Variants in TVP23C observed in about 807,000 individuals in gnomAD.
The protein encoded by TVP23C is Golgi apparatus membrane protein TVP23 homolog C.
In TVP23C, 19 loss-of-function variants were observed where a neutral mutation model predicts 28.7. The ratio of observed to expected loss-of-function variants is 0.66; its 90% CI spans 0.46 to 0.97. The LOEUF (loss-of-function observed/expected upper bound fraction) is 0.97, where lower values mean the gene tolerates loss of function less well. Among genes scored for constraint, TVP23C ranks in the 50% least tolerant of loss-of-function variants. The probability of loss-of-function intolerance (pLI) is 0.00; values close to 1 mark genes in which losing one functional copy is unlikely to be tolerated. For missense variants in TVP23C, 186 were observed against 241.3 expected, an observed-to-expected ratio of 0.77 and a Z score of 1.52; for synonymous variants, 68 against 81.7, an observed-to-expected ratio of 0.83 and a Z score of 0.90.
chr17:15,519,560 GT>G (rs1345152632), intron 5 of TVP23C, among the ~76,000 whole-genome samples: 6 of 152,020 alleles, frequency 3.9e-5, no homozygotes, highest in African/African-American at 1.5e-4. Context: ...TGTCTACTCA[GT>G]TTTTTAAAGG....
chr17:15,535,720 T>C (rs1266879707), downstream of TVP23C, among the ~76,000 whole-genome samples: 2 of 152,196 alleles, frequency 1.3e-5, no homozygotes, highest in African/African-American at 2.4e-5. Context: ...ACATCTCTAA[T>C]ACTGTACTAA....
chr17:15,522,030 G>A (rs899292558), intron 5 of TVP23C, among the ~76,000 whole-genome samples: 1 of 152,200 alleles, frequency 6.6e-6, no homozygotes, highest in East Asian at 1.9e-4. Flanking sequence ...AACAAGTCAC[G>A]TGGTTAAGCT....
At chr17:15,507,770 C>T (rs560318526) in intron 5 of TVP23C, among the ~76,000 whole-genome samples, 10 of 151,974 alleles carry the variant, frequency 6.6e-5, no homozygotes, top group Non-Finnish European at 1.3e-4. Context: ...ACCCAGGAGG[C>T]GGAGCTTGCA....
downstream of TVP23C, among the ~76,000 whole-genome samples, chr17:15,535,859 A>C (rs1184669208): frequency 2.6e-5 from 4 of 152,212 alleles, no homozygotes; most frequent in Non-Finnish European, 4.4e-5. Context: ...GAACATTAAC[A>C]CTTGAAGAAG....
intron 5 of TVP23C, among the ~76,000 whole-genome samples, chr17:15,525,813 C>T (rs1380537327): frequency 6.6e-6 from 1 of 152,178 alleles, no homozygotes; most frequent in African/African-American, 2.4e-5. Flanking sequence ...AAGCCTAAGG[C>T]AGACTGTCCA....
At chr17:15,526,143 T>C (rs901616669) in intron 5 of TVP23C, among the ~76,000 whole-genome samples, 23 of 152,152 alleles carry the variant, frequency 1.5e-4, no homozygotes, top group Non-Finnish European at 2.2e-4. Context: ...ACAGTTGCTG[T>C]AGACCACTCC....
chr17:15,512,694 T>C (rs1009227510), intron 5 of TVP23C, among the ~76,000 whole-genome samples: 1 of 152,202 alleles, frequency 6.6e-6, no homozygotes, highest in African/African-American at 2.4e-5. Context: ...CGATAGAAGA[T>C]CATTGATACA....
intron 5 of TVP23C, chr17:15,530,891 T>A (rs1982925544): frequency 6.6e-6 from 1 of 152,004 alleles, no homozygotes; most frequent in Non-Finnish European, 1.5e-5. Context: ...CACAGGCACA[T>A]GCCACCACAC....
At position 15,539,438 on chromosome 17, in the gene TVP23C, T is replaced by G. The variant is rs1461735122; in HGVS notation, c.*974A>C. 2.2e-6 allele frequency: 1 copy of G among 446,160 alleles called. No individual in the cohort carries two copies. Among genetic ancestry groups the G allele is most frequent in the African/African-American group, 2.1e-5 (1 of 46,546 alleles). The allele number at this position is 446,160 out of a possible 1,614,324, so 27.6% of individuals were successfully genotyped here. A position where few individuals can be genotyped will look rare whatever the true frequency, so the allele number is the denominator to read the frequency against. On this transcript the variant is annotated 3_prime_UTR_variant, in exon 6 of 6. Coordinates refer to ENST00000518321, the MANE Select transcript of TVP23C (RefSeq NM_001135036.2). ...CTGGCTAACACGGTGAAACCCCGTC[T>G]CTACTAAAAATACAAAAAAGCCAGG...
rs1354673445 is a variant in TVP23C at position 15,502,876 on chromosome 17, G to A, written c.819C>T (p.Ser273=). 7 of 1,587,272 alleles carry A rather than the reference G, an allele frequency of 4.4e-6. No individual in the cohort carries two copies. In the South Asian group the frequency reaches 4.6e-5, roughly 10 times the overall value. Residue 273 remains serine (S), a synonymous_variant, in exon 6 of 6, where the codon TCC becomes TCT. Transcript: ENST00000225576. ...TTGTGGGTTGTTTTTAATGCATTCC[G>A]GATGCCAGATGAAATTTTGGCCCGG...
chr17:15,536,964 G>T (rs17702771), downstream of TVP23C: 44,484 of 336,202 alleles, frequency 0.13, 3,183 homozygotes, highest in Middle Eastern at 0.19. Context: ...GGTTACATGA[G>T]ATTACACATG....
chr17:15,506,193 G>T (rs1165913280), intron 5 of TVP23C, among the ~76,000 whole-genome samples: 1 of 152,262 alleles, frequency 6.6e-6, no homozygotes, highest in Non-Finnish European at 1.5e-5. Flanking sequence ...GTCTAGCTCA[G>T]GGATTGTAAA....
intron 5 of TVP23C, among the ~76,000 whole-genome samples, chr17:15,541,693 G>A (rs1217048945): frequency 6.6e-6 from 1 of 152,198 alleles, no homozygotes. Context: ...AGTAAAAGAA[G>A]AGGAGGTGGT....
chr17:15,550,091 C>T (rs116661367), intron 3 of TVP23C, among the ~76,000 whole-genome samples: 2,455 of 152,086 alleles, frequency 0.016, 72 homozygotes, highest in African/African-American at 0.053. Context: ...ACACTTATTG[C>T]TTGTTTTTGA....
chr17:15,545,965 A>C (rs1165744582), intron 4 of TVP23C, 49 bp from the exon 5 acceptor site: 1 of 1,586,290 alleles, frequency 6.3e-7, no homozygotes, highest in Non-Finnish European at 8.6e-7. Context: ...TTTATCAATA[A>C]AAAGTTCAAC....
intron 3 of TVP23C, among the ~76,000 whole-genome samples, chr17:15,550,083 A>G (rs1267073858): frequency 1.3e-5 from 2 of 151,912 alleles, no homozygotes; most frequent in African/African-American, 2.4e-5. Flanking sequence ...GATTTCTCAC[A>G]CTTATTGCTT....
intron 5 of TVP23C, among the ~76,000 whole-genome samples, chr17:15,514,509 G>T (rs1597506959): frequency 6.6e-6 from 1 of 152,108 alleles, no homozygotes; most frequent in Non-Finnish European, 1.5e-5. Context: ...TGACAAAAAG[G>T]CTAAACTGTA....
At chr17:15,545,686 T>C (rs1304383267) in intron 5 of TVP23C, 99 bp downstream of exon 5, 19 of 1,470,976 alleles carry the variant, frequency 1.3e-5, no homozygotes, top group Non-Finnish European at 9.0e-6. Context: ...CTATTCAAGA[T>C]AGGTCCCTAA....
chr17:15,542,824 G>C (rs1983477835), intron 5 of TVP23C, among the ~76,000 whole-genome samples: 1 of 152,188 alleles, frequency 6.6e-6, no homozygotes. Context: ...TTTTGCATGA[G>C]TGAAAAATCA....
Sources: allele counts gnomAD v4.1 joint callset (sites outside exome capture counted in the v4.1 genomes callset), GRCh38; gene constraint gnomAD v4.1.1; transcripts MANE v1.5; gene names NCBI Gene and HGNC (gene_info 2026-07-23, HGNC 2026-07-21).